EXOC1: variants seen among roughly 807,000 people sequenced by gnomAD.
EXOC1 encodes the protein exocyst complex component 1, also known as SEC3-like 1.
Under a neutral mutation model 107.7 loss-of-function variants are expected in EXOC1, and 67 were observed. The ratio of observed to expected loss-of-function variants is 0.62; its 90% confidence interval spans 0.51 to 0.76. The LOEUF (loss-of-function observed/expected upper bound fraction) is 0.76. Ranked by LOEUF, EXOC1 falls within the 30% of genes least tolerant of loss-of-function variation. EXOC1 has a pLI of 0.00. For synonymous variants in EXOC1, 348 were observed against 353.5 expected (o/e 0.98, Z 0.17); for missense variants, 833 against 1,055.7 (o/e 0.79, Z 2.92).
intron 15 of EXOC1, 140 bp from the exon 16 acceptor site, chr4:55,896,577 T>C (rs965166361): frequency 3.7e-6 from 2 of 540,578 alleles, no homozygotes; most frequent in African/African-American, 2.0e-5. Context: ...GCATCCAAAG[T>C]GTTCTAGGTA....
At chr4:55,894,146 G>A (rs549067843) in intron 15 of EXOC1, among the ~76,000 whole-genome samples, 4 of 152,158 alleles carry the variant, frequency 2.6e-5, no homozygotes, top group African/African-American at 7.2e-5. Context: ...AGAACATGGC[G>A]AAACCCCATC....
At chr4:55,884,924 A>G (rs1465012784) in intron 10 of EXOC1, among the ~76,000 whole-genome samples, 2 of 152,200 alleles carry the variant, frequency 1.3e-5, no homozygotes, top group Non-Finnish European at 2.9e-5. Flanking sequence ...TAATATATTG[A>G]TTATACTAGT....
chr4:55,877,990 G>T lies in EXOC1; in HGVS notation c.1148G>T (p.Arg383Ile). Residue 383 changes from arginine to isoleucine, a missense_variant, in exon 9 of 19, where the codon AGA (arginine) becomes ATA (isoleucine). Coordinates refer to ENST00000381295, the MANE Select transcript of EXOC1 (RefSeq NM_001024924.2). ...LTLPNHHPFH[R>I]DLLRYAKLME... The stretch of plus-strand genomic sequence containing the variant: ...TTACCCAATCATCATCCATTTCATA[G>T]AGATTTGCTCCGATATGCCAAGCTG... 3.1e-6 allele frequency: 5 copies of T among 1,613,856 alleles called. No homozygotes were observed. Among genetic ancestry groups the T allele is most frequent in the Non-Finnish European group, 4.2e-6 (5 of 1,179,878 alleles).
chr4:55,894,202 A>G (rs1469837426), intron 15 of EXOC1, among the ~76,000 whole-genome samples: 1 of 151,978 alleles, frequency 6.6e-6, no homozygotes, highest in Non-Finnish European at 1.5e-5. Context: ...GCACATGCCT[A>G]TAATTCCAAC....
rs201616268 is a variant in EXOC1, at chr4:55,877,873, T to G, written c.1075-44T>G. On this transcript the variant is annotated intron_variant, in intron 8 of 18. Coordinates refer to ENST00000381295, the MANE Select transcript of EXOC1 (RefSeq NM_001024924.2). ...TTAGACTTTTTATTGTAACGTTTCT[T>G]TGTACTGTTGATTACATTTATTTAC... is the stretch of plus-strand genomic sequence containing the variant. The G allele has an allele frequency of 6.5e-5, 104 of 1,606,494 alleles. No individual in the cohort carries two copies. The Admixed American group carries it at 1.3e-3, about 20-fold the overall frequency.
At position 55,902,526 on chromosome 4, in the gene EXOC1, G is replaced by A. The variant is rs1343587290; in HGVS notation, c.2520G>A (p.Glu840=). The A allele has an allele frequency of 2.0e-6, 3 of 1,511,244 alleles. No homozygotes were observed. Among genetic ancestry groups the A allele is most frequent in the Non-Finnish European group, 2.6e-6 (3 of 1,135,780 alleles). The allele number at this position is 1,511,244 out of a possible 1,614,324, so 93.6% of individuals were successfully genotyped here. Residue 840 remains glutamate (E), a synonymous_variant, in exon 18 of 19, where the codon GAG becomes GAA. Transcript: ENST00000381295. ...KKVDKHLCEE[E]NLLQVVWHSM... ...TTGATAAACATTTATGTGAAGAAGA[G>A]AACTTACTTCAGGTATGCTTACTTC...
chr4:55,863,749 G>C (rs1378113460), intron 3 of EXOC1, among the ~76,000 whole-genome samples: 2 of 152,126 alleles, frequency 1.3e-5, no homozygotes, highest in Non-Finnish European at 2.9e-5. Context: ...AGTACACCAG[G>C]ATATACATTG....
At chr4:55,865,094 TAGTA>T (rs1184449874) in intron 4 of EXOC1, among the ~76,000 whole-genome samples, 1 of 152,164 alleles carries the variant, frequency 6.6e-6, no homozygotes, top group Non-Finnish European at 1.5e-5. Flanking sequence ...TATATGAACA[TAGTA>T]AGAACAGTGC....
rs112197767 is a variant in EXOC1, at chr4:55,874,667, A to G, written c.1074+2709A>G. ...ATTTTAATATAATAATCACTGTAATATAATATGAGAGTAATGTTACATAAA... is the reference window on the plus strand; with the variant it reads ...ATTTTAATATAATAATCACTGTAATGTAATATGAGAGTAATGTTACATAAA... On this transcript the variant is annotated intron_variant, in intron 8 of 18. Coordinates refer to ENST00000381295, the MANE Select transcript of EXOC1 (RefSeq NM_001024924.2). 3.3e-5 allele frequency among the ~76,000 whole-genome samples: 5 copies of G among 152,282 alleles called. 1 individual carries two copies. The highest frequency in any genetic ancestry group is 1.2e-4 in the African/African-American group (5 of 41,590).
intron 15 of EXOC1, among the ~76,000 whole-genome samples, chr4:55,895,269 A>T (rs1725069989): frequency 6.6e-6 from 1 of 152,208 alleles, no homozygotes. Context: ...CTTTGCACAC[A>T]TTATGTCATC....
In EXOC1 at chr4:55,894,614, CTTTTTTTTTTT is replaced by C. The variant is rs772700227; in HGVS notation, c.1953+849_1953+859del. Among the ~76,000 whole-genome samples the C allele has an allele frequency of 3.9e-5, 3 of 76,132 alleles. No homozygotes were observed. The Admixed American group carries it at 6.5e-4, about 17-fold the overall frequency. The allele number at this position is 76,132 out of a possible 152,430, so 49.9% of individuals were successfully genotyped here. ...TTGACAACTTTCTTACTATCTGTTA[CTTTTTTTTTTT>C]TTTTTTTTTTTTTTGAGATGGAGTC... On this transcript the variant is annotated intron_variant, in intron 15 of 18. Coordinates refer to ENST00000381295, the MANE Select transcript of EXOC1 (RefSeq NM_001024924.2).
chr4:55,866,712 C>A (rs183279767), intron 4 of EXOC1, among the ~76,000 whole-genome samples: 7 of 152,272 alleles, frequency 4.6e-5, no homozygotes, highest in East Asian at 1.9e-4. Flanking sequence ...TCTTATGGAT[C>A]TTTCCACTTG....
chr4:55,892,681 A>C lies in EXOC1; in HGVS notation c.1694A>C (p.Asn565Thr). 1 of 1,614,108 alleles carries C rather than the reference A, an allele frequency of 6.2e-7. No individual in the cohort carries two copies. Among genetic ancestry groups the C allele is most frequent in the Non-Finnish European group, 8.5e-7 (1 of 1,179,990 alleles). The change falls in exon 14 of 19, where the codon AAT becomes ACT. Residue 565 changes from asparagine to threonine, a missense_variant. Coordinates refer to ENST00000381295, the MANE Select transcript of EXOC1 (RefSeq NM_001024924.2). ...LDGGTLSRQH[N>T]CGTPLPVSSE... ...GGAGGAACATTATCACGGCAACATA[A>C]TTGTGGCACACCACTGCCTGTTTCA...
Position 55,860,432 on chromosome 4 carries a change from A to C in EXOC1, c.146A>C (p.Gln49Pro), listed in dbSNP as rs1283076264. 1 of 1,613,806 alleles carries C rather than the reference A, an allele frequency of 6.2e-7. No individual in the cohort carries two copies. The highest frequency in any genetic ancestry group is 2.2e-5 in the East Asian group (1 of 44,868). The change falls in exon 3 of 19, where the codon CAG (glutamine) becomes CCG (proline). Residue 49 changes from glutamine to proline, a missense_variant. Coordinates refer to ENST00000381295, the MANE Select transcript of EXOC1 (RefSeq NM_001024924.2). ...CATVTTERPV[Q>P]VKVVKVKKSD... ...ACAGTGACAACTGAACGCCCTGTGC[A>C]GGTTAAGGTGGTCAAAGTCAAGAAA...
chr4:55,893,528 ACT>A, intron 14 of EXOC1, 22 bp from the exon 15 acceptor site: 1 of 1,600,360 alleles, frequency 6.2e-7, no homozygotes, highest in Non-Finnish European at 8.5e-7. Flanking sequence ...ATAACTTTAT[ACT>A]TCTTGTCTGT....
rs1374044131 is a variant in EXOC1 at position 55,857,226 on chromosome 4, T to TGTAG, written c.-10-1087_-10-1084dup. Reference sequence around the variant, plus strand: ...CAGAGTCTGGCTCTGTCTCCCAGGCTGTAGTGCAGTGGCGCAGTCTCGGCT... The same window carrying TGTAG: ...CAGAGTCTGGCTCTGTCTCCCAGGCTGTAGGTAGTGCAGTGGCGCAGTCTCGGCT... On this transcript the variant is annotated intron_variant, in intron 1 of 18. Transcript: ENST00000381295. 4.5e-5 allele frequency among the ~76,000 whole-genome samples: 6 copies of TGTAG among 133,968 alleles called. No individual in the cohort carries two copies. In the East Asian group the frequency reaches 1.6e-3, roughly 35 times the overall value. The allele number at this position is 133,968 out of a possible 152,430, so 87.9% of individuals were successfully genotyped here. A position where few individuals can be genotyped will look rare whatever the true frequency, so the allele number is the denominator to read the frequency against.
chr4:55,858,580 A>G (rs1721198107), intron 2 of EXOC1, 133 bp downstream of exon 2: 4 of 952,520 alleles, frequency 4.2e-6, no homozygotes, highest in Non-Finnish European at 5.8e-6. Context: ...CCTAGTTAAC[A>G]CTTGGCTTTG....
intron 14 of EXOC1, 112 bp downstream of exon 14, chr4:55,892,823 T>A: frequency 1.1e-6 from 1 of 917,286 alleles, no homozygotes; most frequent in Non-Finnish European, 1.7e-6. Flanking sequence ...GCACTCACAG[T>A]ACCAGCATGT....
In EXOC1 at chr4:55,870,761, T is replaced by A; in HGVS notation, c.687T>A (p.Asp229Glu). ...TAGATGAGGCTCTAAAGGAGGTAGA[T>A]CAGATTGAATTGAAACTGAGCAGTT... ...KLLDEALKEV[D>E]QIELKLSSYE... is the part of the protein sequence containing the mutation. Residue 229 changes from aspartate to glutamate, a missense_variant, in exon 6 of 19, where the codon GAT becomes GAA. Asp to Glu is a conservative substitution (Grantham distance 45). This residue lies in a region of EXOC1 where 617 missense variants were observed against 701.3 expected (regional missense o/e 0.88). Coordinates refer to ENST00000381295, the MANE Select transcript of EXOC1 (RefSeq NM_001024924.2). 1 of 1,613,888 alleles carries A rather than the reference T, an allele frequency of 6.2e-7. No homozygotes were observed. The highest frequency in any genetic ancestry group is 8.5e-7 in the Non-Finnish European group (1 of 1,179,892).
Sources: allele counts gnomAD v4.1 joint callset (sites outside exome capture counted in the v4.1 genomes callset), GRCh38; gene constraint gnomAD v4.1.1; regional missense constraint gnomAD v4.1.1; transcripts MANE v1.5; gene names NCBI Gene and HGNC (gene_info 2026-07-23, HGNC 2026-07-21).